SOX6: variants seen among roughly 807,000 people sequenced by gnomAD.
The protein encoded by SOX6 is transcription factor SOX-6.
Under a neutral mutation model 97.8 loss-of-function variants are expected in SOX6, and 11 were observed. The observed-to-expected ratio is 0.11, with a 90% CI of 0.07 to 0.19. SOX6 has a LOEUF of 0.19. Among genes scored for constraint, SOX6 ranks in the 10% least tolerant of loss-of-function variants. The probability of loss-of-function intolerance (pLI) is 1.00; values close to 1 mark genes in which losing one functional copy is unlikely to be tolerated. For synonymous variants in SOX6, 360 were observed against 371.4 expected (o/e 0.97, Z 0.35); for missense variants, 810 against 1,039.5 (o/e 0.78, Z 3.04).
chr11:16,154,345 TA>T (rs1162166014), intron 6 of SOX6, among the ~76,000 whole-genome samples: 4 of 152,150 alleles, frequency 2.6e-5, no homozygotes, highest in African/African-American at 7.2e-5. Context: ...ATAACCCCCC[TA>T]ATTAACATGC....
chr11:16,392,816 C>T (rs1858225929), intron 1 of SOX6, among the ~76,000 whole-genome samples: 1 of 152,012 alleles, frequency 6.6e-6, no homozygotes, highest in African/African-American at 2.4e-5. Context: ...TACATCTGGC[C>T]TTCATGAACT....
At chr11:16,644,552 G>A (rs954749606) in intron 3 of SOX6, among the ~76,000 whole-genome samples, 1 of 151,788 alleles carries the variant, frequency 6.6e-6, no homozygotes, top group African/African-American at 2.4e-5. Context: ...ATGAATTATT[G>A]ACAAGTGCAT....
intron 4 of SOX6, among the ~76,000 whole-genome samples, chr11:16,201,600 A>G (rs1851939089): frequency 6.6e-6 from 1 of 150,638 alleles, no homozygotes; most frequent in Admixed American, 6.6e-5. Flanking sequence ...AAGTTTGTTC[A>G]AATGCTCCTT....
chr11:16,657,664 GT>G (rs1847733334), intron 3 of SOX6, among the ~76,000 whole-genome samples: 1 of 151,974 alleles, frequency 6.6e-6, no homozygotes, highest in African/African-American at 2.4e-5. Flanking sequence ...TTACTTTTTT[GT>G]TTTTTAGCCA....
At chr11:16,063,249 C>T (rs926333143) in intron 9 of SOX6, among the ~76,000 whole-genome samples, 2 of 150,840 alleles carry the variant, frequency 1.3e-5, no homozygotes, top group Admixed American at 6.6e-5. Context: ...CTTTAATAAC[C>T]AAGCCTGTTT....
At chr11:16,592,352 C>G (rs1848163845) in intron 4 of SOX6, among the ~76,000 whole-genome samples, 1 of 149,750 alleles carries the variant, frequency 6.7e-6, no homozygotes, top group South Asian at 2.2e-4. Context: ...CCAAGTTATG[C>G]CCCTTTGACC....
chr11:16,058,112 C>T (rs1019971840), intron 9 of SOX6, among the ~76,000 whole-genome samples: 1 of 151,900 alleles, frequency 6.6e-6, no homozygotes, highest in Non-Finnish European at 1.5e-5. Context: ...CTTATTAACC[C>T]TCTATTTTTC....
At chr11:16,680,981 C>G (rs970693749) in intron 3 of SOX6, among the ~76,000 whole-genome samples, 6 of 152,088 alleles carry the variant, frequency 3.9e-5, no homozygotes, top group African/African-American at 9.7e-5. Context: ...GACCTACAAA[C>G]AGACTTAGAC....
intron 3 of SOX6, among the ~76,000 whole-genome samples, chr11:16,659,692 T>C (rs778140489): frequency 7.9e-5 from 12 of 152,136 alleles, no homozygotes; most frequent in Non-Finnish European, 1.6e-4. Flanking sequence ...CTGGAAGAGA[T>C]TGTTGAGAAT....
intron 4 of SOX6, among the ~76,000 whole-genome samples, chr11:16,515,177 T>C (rs2133155216): frequency 6.6e-6 from 1 of 151,738 alleles, no homozygotes; most frequent in East Asian, 2.0e-4. Context: ...TGTAAAAGTG[T>C]TCCTATTTCT....
chr11:16,521,203 C>A (rs1171578391), intron 4 of SOX6, among the ~76,000 whole-genome samples: 1 of 152,170 alleles, frequency 6.6e-6, no homozygotes, highest in East Asian at 1.9e-4. Flanking sequence ...ACCCCTGAAC[C>A]CCGAGCAGCC....
intron 4 of SOX6, among the ~76,000 whole-genome samples, chr11:16,559,830 G>T (rs1199623730): frequency 2.0e-5 from 3 of 151,980 alleles, no homozygotes; most frequent in African/African-American, 7.3e-5. Context: ...ATTCCTCAGG[G>T]CCTAAGGAAT....
At chr11:16,573,640 T>A (rs1282844173) in intron 4 of SOX6, among the ~76,000 whole-genome samples, 1 of 152,110 alleles carries the variant, frequency 6.6e-6, no homozygotes, top group Non-Finnish European at 1.5e-5. Flanking sequence ...AAAACGAAAC[T>A]AAAATAGTGG....
At chr11:16,390,973 A>G (rs532197747) in intron 1 of SOX6, among the ~76,000 whole-genome samples, 5 of 152,372 alleles carry the variant, frequency 3.3e-5, no homozygotes, top group African/African-American at 1.2e-4. Context: ...CTGGATTAAG[A>G]AAATGTGGCA....
At chr11:16,499,499 C>CA (rs1187736463) in intron 4 of SOX6, among the ~76,000 whole-genome samples, 32 of 152,008 alleles carry the variant, frequency 2.1e-4, no homozygotes, top group Non-Finnish European at 1.9e-4. Context: ...AACAACCCTT[C>CA]AAAAAATCAA....
At chr11:16,181,468 G>T (rs1851344523) in intron 6 of SOX6, among the ~76,000 whole-genome samples, 1 of 149,820 alleles carries the variant, frequency 6.7e-6, no homozygotes, top group Non-Finnish European at 1.5e-5. Flanking sequence ...TGCTCAGAAA[G>T]CATTTAAAAT....
At chr11:16,519,582 T>G (rs1861025117) in intron 4 of SOX6, among the ~76,000 whole-genome samples, 1 of 152,106 alleles carries the variant, frequency 6.6e-6, no homozygotes, top group South Asian at 2.1e-4. Context: ...ATACACCACA[T>G]TTTCTTTATC....
intron 9 of SOX6, among the ~76,000 whole-genome samples, chr11:16,060,963 A>G (rs774435944): frequency 4.5e-4 from 68 of 151,836 alleles, no homozygotes; most frequent in Non-Finnish European, 7.7e-4. Flanking sequence ...TACCCAATCA[A>G]TAGTTTCTGA....
chr11:16,310,246 G>T (rs1181394811), intron 3 of SOX6, among the ~76,000 whole-genome samples: 4 of 151,998 alleles, frequency 2.6e-5, no homozygotes, highest in South Asian at 2.1e-4. Context: ...TGCCCAGAAG[G>T]TCTGGAGTTC....
Sources: allele counts gnomAD v4.1 joint callset (sites outside exome capture counted in the v4.1 genomes callset), GRCh38; gene constraint gnomAD v4.1.1; transcripts MANE v1.5; gene names NCBI Gene and HGNC (gene_info 2026-07-23, HGNC 2026-07-21).